Variants in NR1H3 observed in about 807,000 individuals in gnomAD.
NR1H3 encodes oxysterols receptor LXR-alpha.
NR1H3 carries 19 observed loss-of-function variants against 48.1 expected under a neutral mutation model. The ratio of observed to expected loss-of-function variants is 0.40; its 90% CI spans 0.28 to 0.58. NR1H3 has a LOEUF of 0.58. Among genes scored for constraint, NR1H3 ranks in the 20% least tolerant of loss-of-function variants. The probability of loss-of-function intolerance (pLI) is 0.50; values close to 1 mark genes in which losing one functional copy is unlikely to be tolerated. For missense variants in NR1H3, 486 were observed against 595.9 expected, an observed-to-expected ratio of 0.82 and a Z score of 1.92; for synonymous variants, 232 against 227.3, an observed-to-expected ratio of 1.02 and a Z score of -0.19.
At chr11:47,255,493 C>G (rs1224665581), upstream of NR1H3, among the ~76,000 whole-genome samples, 2 of 152,194 alleles carry the variant, frequency 1.3e-5, no homozygotes, top group Non-Finnish European at 2.9e-5. Flanking sequence ...TGCCATTTCT[C>G]AAACACTATG....
Position 47,261,989 on chromosome 11 carries a change from G to C in NR1H3, c.959G>C (p.Ser320Thr), listed in dbSNP as rs757556341. ...SESITFLKDFSYNREDFAKAG... is the reference protein window; with the variant it reads ...SESITFLKDFTYNREDFAKAG... Reference sequence around the variant, plus strand: ...AGTATCACCTTCCTCAAGGATTTCAGTTATAACCGGGAAGACTTTGCCAAA... The same window carrying C: ...AGTATCACCTTCCTCAAGGATTTCACTTATAACCGGGAAGACTTTGCCAAA... The change falls in exon 7 of 10, where the codon AGT becomes ACT. Residue 320 changes from serine (S) to threonine (T), a missense_variant. Coordinates refer to ENST00000441012, the MANE Select transcript of NR1H3 (RefSeq NM_005693.4). The C allele has an allele frequency of 2.2e-5, 35 of 1,613,782 alleles. No homozygotes were observed. Among genetic ancestry groups the C allele is most frequent in the Non-Finnish European group, 2.8e-5 (33 of 1,179,792 alleles).
chr11:47,252,041 C>A (rs1163191658), intron 1 of NR1H3, among the ~76,000 whole-genome samples: 21 of 143,360 alleles, frequency 1.5e-4, no homozygotes, highest in African/African-American at 4.7e-4. Flanking sequence ...CACTTTGGTT[C>A]GTAACTACAG....
chr11:47,258,977 G>A, intron 1 of NR1H3: 1 of 942,228 alleles, frequency 1.1e-6, no homozygotes, highest in East Asian at 3.2e-5. Flanking sequence ...GGAATTCCTA[G>A]ACTAGCCTGG....
chr11:47,262,942 C>T (rs1475615517), intron 7 of NR1H3, among the ~76,000 whole-genome samples: 1 of 152,160 alleles, frequency 6.6e-6, no homozygotes, highest in African/African-American at 2.4e-5. Context: ...CTTCTCTCAG[C>T]TGCTCCAGAT....
chr11:47,260,373 T>C, intron 3 of NR1H3, 36 bp from the exon 4 acceptor site: 1 of 1,575,956 alleles, frequency 6.3e-7, no homozygotes, highest in South Asian at 1.2e-5. Flanking sequence ...ATGTTTTTCC[T>C]CGGGGGAGAG....
rs1955894288 is a variant in NR1H3 at position 47,261,732 on chromosome 11, T to C, written c.888+6T>C. The stretch of plus-strand genomic sequence containing the variant: ...TGAAGACCTCTGCGATCGAGGTGGC[T>C]GGAGAAGGGCAAGGGATGAAGGGAG... On this transcript the variant is annotated splice_donor_region_variant and intron_variant, in intron 6 of 9. Coordinates refer to ENST00000441012, the MANE Select transcript of NR1H3 (RefSeq NM_005693.4). 2 of 1,613,856 alleles carry C rather than the reference T, an allele frequency of 1.2e-6. No individual in the cohort carries two copies. Among genetic ancestry groups the C allele is most frequent in the Admixed American group, 3.3e-5 (2 of 59,994 alleles).
At chr11:47,248,639 C>T, upstream of NR1H3, 1 of 1,586,184 alleles carries the variant, frequency 6.3e-7, no homozygotes. Flanking sequence ...GCCCTTTTAG[C>T]TTCAGGGAAG....
At chr11:47,251,779 T>C (rs1954676498) in intron 1 of NR1H3, among the ~76,000 whole-genome samples, 2 of 152,218 alleles carry the variant, frequency 1.3e-5, no homozygotes, top group Non-Finnish European at 2.9e-5. Flanking sequence ...AAATTTCAGC[T>C]ATCTCTCAAA....
chr11:47,259,559 GC>G (rs1565185868), intron 2 of NR1H3: 1 of 1,469,444 alleles, frequency 6.8e-7, no homozygotes. Flanking sequence ...ATACACTCCA[GC>G]CCCCCAAAGG....
rs1043752731 is a variant in NR1H3, at chr11:47,260,643, G to A, written c.467G>A (p.Arg156His). 3.7e-6 allele frequency: 6 copies of A among 1,607,608 alleles called. No individual in the cohort carries two copies. Among genetic ancestry groups the A allele is most frequent in the Non-Finnish European group, 5.1e-6 (6 of 1,178,764 alleles). Residue 156 changes from arginine to histidine, a missense_variant, in exon 4 of 10, where the codon CGC becomes CAC. Transcript: ENST00000441012. ...CGCAAGTGCCAGGAGTGTCGGCTTCGCAAATGCCGTCAGGCTGGCATGCGG... is the reference window on the plus strand; with the variant it reads ...CGCAAGTGCCAGGAGTGTCGGCTTCACAAATGCCGTCAGGCTGGCATGCGG... The part of the protein sequence containing the change: ...MRRKCQECRL[R>H]KCRQAGMREE...
At position 47,249,090 on chromosome 11, in the gene NR1H3, C is replaced by G. The variant is rs1341550895; in HGVS notation, c.-93+91C>G. On this transcript the variant is annotated intron_variant, in intron 1 of 8. Transcript: ENST00000395397. ...CGCGTTTGCCTCTGCTCGGAGAAAT[C>G]CCTTACCAAGGTGGCACTTGCAGTG... 7 of 1,280,622 alleles carry G rather than the reference C, an allele frequency of 5.5e-6. No individual in the cohort carries two copies. The South Asian group carries it at 1.1e-4, about 19-fold the overall frequency. The allele number at this position is 1,280,622 out of a possible 1,614,324, so 79.3% of individuals were successfully genotyped here.
rs547669234 is a variant in NR1H3, at chr11:47,261,303, C to T, written c.562C>T (p.His188Tyr). ...KLKRQEEEQA[H>Y]ATSLPPRASS... ...GAAGCGGCAAGAGGAGGAACAGGCT[C>T]ATGCCACATCCTTGCCCCCCAGGGC... Residue 188 changes from histidine (H) to tyrosine (Y), a missense_variant, in exon 5 of 10, where the codon CAT (histidine) becomes TAT (tyrosine). By Grantham distance (83) the His-to-Tyr change is moderately conservative (BLOSUM62 2). Coordinates refer to ENST00000441012, the MANE Select transcript of NR1H3 (RefSeq NM_005693.4). The T allele has an allele frequency of 2.5e-6, 4 of 1,614,086 alleles. No homozygotes were observed. The highest frequency in any genetic ancestry group is 3.4e-6 in the Non-Finnish European group (4 of 1,180,020).
upstream of NR1H3, chr11:47,257,582 C>T (rs775367823): frequency 2.9e-5 from 26 of 903,758 alleles, no homozygotes; most frequent in Admixed American, 6.2e-5. Context: ...CTGGGAAAGC[C>T]GCTGGGGCTC....
intron 1 of NR1H3, chr11:47,258,826 C>CA (rs958264198): frequency 2.3e-3 from 437 of 191,912 alleles, no homozygotes; most frequent in South Asian, 3.6e-3. Flanking sequence ...GACCCCATCT[C>CA]AAAAAAAAAA....
upstream of NR1H3, chr11:47,257,572 C>T: frequency 1.2e-6 from 1 of 838,718 alleles, no homozygotes; most frequent in Non-Finnish European, 1.4e-6. Context: ...AGGAGGGAGG[C>T]TGGGAAAGCC....
chr11:47,261,217 C>T (rs2135639835), intron 4 of NR1H3, 24 bp from the exon 5 acceptor site: 1 of 1,392,260 alleles, frequency 7.2e-7, no homozygotes, highest in Non-Finnish European at 9.7e-7. Context: ...CTGCTCCCTT[C>T]CTCATATTTG....
upstream of NR1H3, among the ~76,000 whole-genome samples, chr11:47,254,856 C>A (rs1374581509): frequency 2.6e-5 from 4 of 152,016 alleles, no homozygotes; most frequent in Non-Finnish European, 5.9e-5. Context: ...CCCATCTACA[C>A]CCCCTGTCCA....
upstream of NR1H3, among the ~76,000 whole-genome samples, chr11:47,254,434 G>C (rs547942387): frequency 9.8e-5 from 15 of 152,300 alleles, no homozygotes; most frequent in African/African-American, 3.6e-4. Flanking sequence ...GGACAGAATA[G>C]TGCCAGTCTC....
chr11:47,255,615 CTCTTTCTTTCTTTCTT>C (rs71042664), upstream of NR1H3, among the ~76,000 whole-genome samples: 8,449 of 92,654 alleles, frequency 0.091, 422 homozygotes, highest in South Asian at 0.12. Context: ...CTCTCTCTCT[CTCTTTCTTTCTTTCTT>C]TCTTTCTTTC....
Sources: gnomAD v4.1 joint callset for allele counts (sites outside exome capture counted in the v4.1 genomes callset) on GRCh38, gnomAD v4.1.1 for gene constraint, MANE v1.5 for transcripts, NCBI Gene and HGNC (gene_info 2026-07-23, HGNC 2026-07-21) for gene names.